The following RAB33B variants were observed in gnomAD, a reference collection of about 807,000 sequenced individuals.
The protein encoded by RAB33B is RAB33B, member RAS oncogene family, also known as ras-related protein Rab-33B.
RAB33B carries 6 observed loss-of-function variants against 15.0 expected under a neutral mutation model. That is an observed-to-expected ratio of 0.40 (90% CI 0.22 to 0.79). RAB33B has a LOEUF of 0.79. Ranked by LOEUF, RAB33B falls within the 30% of genes least tolerant of loss-of-function variation. The pLI is 0.37. For missense variants in RAB33B, 257 were observed against 296.4 expected (o/e 0.87, Z 0.98); for synonymous variants, 117 against 108.3 (o/e 1.08, Z -0.50).
intron 1 of RAB33B, among the ~76,000 whole-genome samples, chr4:139,471,499 A>T (rs1201129133): frequency 6.8e-6 from 1 of 148,098 alleles, no homozygotes; most frequent in East Asian, 2.0e-4. Flanking sequence ...ATGAGTGCTC[A>T]CCTGATTTTT....
upstream of RAB33B, chr4:139,454,027 C>A: frequency 1.4e-6 from 1 of 738,712 alleles, no homozygotes; most frequent in Non-Finnish European, 2.1e-6. Flanking sequence ...CCTGTGCGGG[C>A]AAGGGCGGGG....
intron 1 of RAB33B, among the ~76,000 whole-genome samples, chr4:139,455,518 C>T (rs1561002486): frequency 6.6e-6 from 1 of 152,128 alleles, no homozygotes. Context: ...ACGGGTTATA[C>T]TGCTAATGAT....
At chr4:139,471,415 G>A (rs1468575508) in intron 1 of RAB33B, among the ~76,000 whole-genome samples, 1 of 152,064 alleles carries the variant, frequency 6.6e-6, no homozygotes, top group African/African-American at 2.4e-5. Flanking sequence ...CAGGGGGTGG[G>A]TGTTGGCAAT....
the RAB33B span, among the ~76,000 whole-genome samples, chr4:139,444,173 C>T: frequency 6.6e-6 from 1 of 152,102 alleles, no homozygotes; most frequent in Non-Finnish European, 1.5e-5. Flanking sequence ...TTTGGGCCCA[C>T]TAAGTGGGGA....
chr4:139,454,418 G>A lies in RAB33B; in HGVS notation c.223G>A (p.Val75Met), dbSNP rs764433053. The A allele has an allele frequency of 1.2e-6, 2 of 1,611,304 alleles. No individual in the cohort carries two copies. The highest frequency in any genetic ancestry group is 2.7e-5 in the African/African-American group (2 of 74,916). ...AGGGGTGGATTTCCGAGAACGAGCG[G>A]TGGAGATTGATGGGGAGCGCATCAA... ...TIGVDFRERA[V>M]EIDGERIKIQ... The change falls in exon 1 of 2, where the codon GTG becomes ATG. Residue 75 changes from valine to methionine, a missense_variant. Val to Met is a conservative substitution (Grantham distance 21). Coordinates refer to ENST00000305626, the MANE Select transcript of RAB33B (RefSeq NM_031296.3).
intron 1 of RAB33B, among the ~76,000 whole-genome samples, chr4:139,467,204 T>C (rs995289765): frequency 5.3e-5 from 8 of 150,616 alleles, no homozygotes; most frequent in Non-Finnish European, 1.2e-4. Context: ...CCTGGACTCA[T>C]GTGATCCACC....
chr4:139,468,202 G>A (rs1250756710), intron 1 of RAB33B, among the ~76,000 whole-genome samples: 1 of 152,142 alleles, frequency 6.6e-6, no homozygotes, highest in African/African-American at 2.4e-5. Flanking sequence ...CAAGAGAAGA[G>A]AGCTTGTGCA....
chr4:139,463,638 C>G (rs1236783202), intron 1 of RAB33B, among the ~76,000 whole-genome samples: 1 of 152,194 alleles, frequency 6.6e-6, no homozygotes, highest in Non-Finnish European at 1.5e-5. Flanking sequence ...TTTTAAACAT[C>G]ATGAACCATT....
At chr4:139,459,142 A>AC (rs1229300511) in intron 1 of RAB33B, among the ~76,000 whole-genome samples, 23 of 151,918 alleles carry the variant, frequency 1.5e-4, no homozygotes, top group Non-Finnish European at 2.9e-4. Flanking sequence ...AAAAAAAAAA[A>AC]AAAAAACCTT....
intron 1 of RAB33B, among the ~76,000 whole-genome samples, chr4:139,468,001 C>T (rs1419766542): frequency 6.6e-6 from 1 of 151,368 alleles, no homozygotes; most frequent in Non-Finnish European, 1.5e-5. Context: ...CCCCATCTCC[C>T]CTACCCCGAA....
chr4:139,460,878 C>G (rs1750159170), intron 1 of RAB33B, among the ~76,000 whole-genome samples: 1 of 152,156 alleles, frequency 6.6e-6, no homozygotes. Flanking sequence ...GGAACCAGGT[C>G]AGAATTCCTG....
intron 1 of RAB33B, among the ~76,000 whole-genome samples, chr4:139,464,393 T>TTTTG (rs1554004074): frequency 9.4e-6 from 1 of 106,196 alleles, no homozygotes; most frequent in Non-Finnish European, 2.3e-5. Context: ...ACTGTTTTTT[T>TTTTG]TTTTTTTTTT....
rs1472137163 is a variant in RAB33B at position 139,473,057 on chromosome 4, TAGTC to T, written c.624_627del (p.Gln209ProfsTer8). 5.0e-6 allele frequency: 8 copies of T among 1,613,976 alleles called. No homozygotes were observed. Among genetic ancestry groups the T allele is most frequent in the Non-Finnish European group, 6.8e-6 (8 of 1,180,000 alleles). ...TTAAGAGCCACAAACCATTAATGCT[TAGTC>T]AGCCCCCTGATAATGGAATTATCCT... is the stretch of plus-strand genomic sequence containing the variant. On this transcript the variant is annotated frameshift_variant, in exon 2 of 2. Coordinates refer to ENST00000305626, the MANE Select transcript of RAB33B (RefSeq NM_031296.3). LOFTEE classifies it high-confidence loss of function.
Position 139,464,410 on chromosome 4 carries a change from T to TAA in RAB33B, c.250-8276_250-8275insAA, listed in dbSNP as rs1561005274. 6.9e-5 allele frequency among the ~76,000 whole-genome samples: 10 copies of TAA among 145,692 alleles called. 1 individual carries two copies. Among genetic ancestry groups the TAA allele is most frequent in the African/African-American group, 1.8e-4 (7 of 38,380 alleles). On this transcript the variant is annotated intron_variant, in intron 1 of 1. Coordinates refer to ENST00000305626, the MANE Select transcript of RAB33B (RefSeq NM_031296.3). ...TGTTTTTTTTTTTTTTTTTTTTTTT[T>TAA]TTATACTTTAAGTTCTAGGGTATTC...
chr4:139,463,911 C>T (rs1750221453), intron 1 of RAB33B, among the ~76,000 whole-genome samples: 1 of 152,218 alleles, frequency 6.6e-6, no homozygotes, highest in Non-Finnish European at 1.5e-5. Context: ...AATTTTGAAG[C>T]TTCTTTTTAG....
intron 1 of RAB33B, among the ~76,000 whole-genome samples, chr4:139,466,243 T>C (rs897814543): frequency 2.6e-5 from 4 of 152,238 alleles, no homozygotes; most frequent in Admixed American, 2.0e-4. Context: ...TTTTTAATTT[T>C]GTTTTTATAA....
intron 1 of RAB33B, among the ~76,000 whole-genome samples, chr4:139,467,109 T>C (rs1750302743): frequency 1.3e-5 from 2 of 150,466 alleles, no homozygotes; most frequent in Non-Finnish European, 3.0e-5. Flanking sequence ...GCTGGGACTA[T>C]GGGCACCTGC....
At chr4:139,449,710 T>A (rs1309140514), upstream of RAB33B, 1 of 152,042 alleles carries the variant, frequency 6.6e-6, no homozygotes, top group East Asian at 1.9e-4. Context: ...ATATGGCCTA[T>A]TCTGGGACCT....
chr4:139,454,590 G>A, intron 1 of RAB33B, 146 bp downstream of exon 1: 1 of 887,918 alleles, frequency 1.1e-6, no homozygotes, highest in Non-Finnish European at 1.7e-6. Flanking sequence ...TGGAAGGATT[G>A]CAATACTGCA....
Sources: allele counts gnomAD v4.1 joint callset (sites outside exome capture counted in the v4.1 genomes callset), GRCh38; gene constraint gnomAD v4.1.1; transcripts MANE v1.5; gene names NCBI Gene and HGNC (gene_info 2026-07-23, HGNC 2026-07-21).